The following FAAH2 variants were observed in gnomAD, a reference collection of about 807,000 sequenced individuals.
The protein encoded by FAAH2 is fatty-acid amide hydrolase 2.
In FAAH2, 60 loss-of-function variants were observed where a neutral mutation model predicts 36.9. The observed-to-expected ratio is 1.63, with a 90% CI of 1.32 to 2.02. The LOEUF is 2.02. Among genes scored for constraint, FAAH2 ranks in the 30% most tolerant of loss-of-function variants. The pLI is 0.00. For synonymous variants in FAAH2, 214 were observed against 143.8 expected (o/e 1.49, Z -3.49); for missense variants, 689 against 397.5 (o/e 1.73, Z -6.23).
chrX:57,205,284 A>G, the FAAH2 span, among the ~76,000 whole-genome samples: 1 of 112,610 alleles, frequency 8.9e-6, no homozygotes, highest in South Asian at 3.6e-4. Flanking sequence ...AGGCATTAAC[A>G]TTGGTTAAAT....
At chrX:57,204,075 T>C in the FAAH2 span, among the ~76,000 whole-genome samples, 5 of 110,566 alleles carry the variant, frequency 4.5e-5, no homozygotes, top group South Asian at 1.6e-3. Context: ...GACTGAGAGG[T>C]GCAATTCAAG....
At chrX:57,174,208 A>G in the FAAH2 span, among the ~76,000 whole-genome samples, 3 of 108,559 alleles carry the variant, frequency 2.8e-5, no homozygotes, top group Non-Finnish European at 5.7e-5. Flanking sequence ...TCTAGCCCCG[A>G]GATTTTTTTT....
chrX:57,149,469 T>C, the FAAH2 span, among the ~76,000 whole-genome samples: 3 of 111,874 alleles, frequency 2.7e-5, no homozygotes, highest in Non-Finnish European at 3.8e-5. Flanking sequence ...TTCAACTTCT[T>C]CCTGGTTTAG....
At chrX:57,200,979 T>G in the FAAH2 span, among the ~76,000 whole-genome samples, 1 of 111,240 alleles carries the variant, frequency 9.0e-6, no homozygotes, top group African/African-American at 3.3e-5. Flanking sequence ...TCAGCATTTG[T>G]TTGCTGACAA....
intron 7 of FAAH2, chrX:57,394,496 G>T: frequency 1.7e-6 from 2 of 1,205,733 alleles, no homozygotes; most frequent in Non-Finnish European, 2.2e-6. Flanking sequence ...AATGTCACTT[G>T]GAACAGGTGT....
At chrX:57,231,583 A>G in the FAAH2 span, among the ~76,000 whole-genome samples, 1 of 111,559 alleles carries the variant, frequency 9.0e-6, no homozygotes, top group Non-Finnish European at 1.9e-5. Context: ...ATACCTTTAT[A>G]TTCACTATTT....
rs765798252 is a variant in FAAH2, at chrX:57,455,718, TTAATAA to T, written c.1423+7004_1423+7009del. Among the ~76,000 whole-genome samples, 187 of 112,108 alleles carry T rather than the reference TTAATAA, an allele frequency of 1.7e-3. 1 individual carries two copies. Among genetic ancestry groups the T allele is most frequent in the African/African-American group, 5.7e-3 (177 of 30,921 alleles). On this transcript the variant is annotated intron_variant, in intron 10 of 10. Transcript: ENST00000374900. ...CATAAAAGACAAAGAAGGGTAATAC[TTAATAA>T]TAAAGAGTTCAATTCAACAGGAAGT...
At chrX:57,135,623 C>T in the FAAH2 span, 2 of 949,271 alleles carry the variant, frequency 2.1e-6, no homozygotes, top group African/African-American at 2.0e-5. Context: ...AACTTTTCAA[C>T]AAGACAAAGG....
intron 1 of FAAH2, 99 bp from the exon 2 acceptor site, chrX:57,292,398 CA>C: frequency 2.6e-6 from 2 of 760,568 alleles, no homozygotes; most frequent in Non-Finnish European, 1.9e-6. Context: ...GAAAGTGTCT[CA>C]AAAAATGATT....
chrX:57,350,163 G>T (rs1380239877), intron 5 of FAAH2, among the ~76,000 whole-genome samples: 1 of 111,136 alleles, frequency 9.0e-6, no homozygotes, highest in Non-Finnish European at 1.9e-5. Context: ...AGCAATACTT[G>T]CCTTCATAAA....
chrX:57,475,154 C>G (rs1239580671), intron 10 of FAAH2, among the ~76,000 whole-genome samples: 2 of 111,617 alleles, frequency 1.8e-5, no homozygotes, highest in East Asian at 2.8e-4. Context: ...TATCTGTTCA[C>G]TCTGATGCTA....
At chrX:57,442,701 G>T (rs189619817) in intron 8 of FAAH2, among the ~76,000 whole-genome samples, 5 of 111,958 alleles carry the variant, frequency 4.5e-5, no homozygotes, top group African/African-American at 1.6e-4. Context: ...TTTCTTTTTA[G>T]CATTGACAGT....
the FAAH2 span, among the ~76,000 whole-genome samples, chrX:57,214,508 C>G: frequency 9.0e-6 from 1 of 111,283 alleles, no homozygotes. Context: ...CTCACTGCAA[C>G]CTCCACCTCT....
chrX:57,300,611 G>T (rs1344036341), intron 2 of FAAH2, among the ~76,000 whole-genome samples: 1 of 111,685 alleles, frequency 9.0e-6, no homozygotes, highest in Non-Finnish European at 1.9e-5. Flanking sequence ...TGACAAATGG[G>T]ATCTAATTAA....
chrX:57,255,927 G>A, the FAAH2 span, among the ~76,000 whole-genome samples: 1 of 111,697 alleles, frequency 9.0e-6, no homozygotes, highest in African/African-American at 3.3e-5. Context: ...TCTGGCCAGG[G>A]CAATCAGTCA....
intron 7 of FAAH2, among the ~76,000 whole-genome samples, chrX:57,387,552 G>A (rs935234299): frequency 1.8e-5 from 2 of 111,293 alleles, no homozygotes; most frequent in East Asian, 5.6e-4. Context: ...GAACCTACCA[G>A]AGAAAAATTA....
chrX:57,235,246 T>G, the FAAH2 span, among the ~76,000 whole-genome samples: 1 of 111,392 alleles, frequency 9.0e-6, no homozygotes, highest in Non-Finnish European at 1.9e-5. Context: ...ATTTTGCTTA[T>G]TTTGGGGCCA....
At chrX:57,482,804 G>C (rs977540870) in intron 10 of FAAH2, among the ~76,000 whole-genome samples, 4 of 104,032 alleles carry the variant, frequency 3.8e-5, no homozygotes, top group Non-Finnish European at 5.9e-5. Context: ...TTTGGCTGCA[G>C]GTTTTTATTT....
intron 7 of FAAH2, chrX:57,392,755 C>T (rs915618532): frequency 1.5e-5 from 9 of 611,410 alleles, no homozygotes; most frequent in Non-Finnish European, 2.6e-5. Context: ...TACAGAAAAC[C>T]AGCCCCGATG....
Sources: allele counts gnomAD v4.1 joint callset (sites outside exome capture counted in the v4.1 genomes callset), GRCh38; gene constraint gnomAD v4.1.1; transcripts MANE v1.5; gene names NCBI Gene and HGNC (gene_info 2026-07-23, HGNC 2026-07-21).